The following FOXJ3 variants were observed in gnomAD, a reference collection of about 807,000 sequenced individuals.
The protein encoded by FOXJ3 is forkhead box J3, also known as forkhead box protein J3.
FOXJ3 carries 22 observed loss-of-function variants against 76.1 expected under a neutral mutation model. That is an observed-to-expected ratio of 0.29 (90% CI 0.21 to 0.41). The LOEUF (loss-of-function observed/expected upper bound fraction) is 0.41, where lower values mean the gene tolerates loss of function less well. FOXJ3 is among the 10% of genes least tolerant of loss of function. The pLI is 1.00. For missense variants in FOXJ3, 613 were observed against 762.1 expected (o/e 0.80, Z 2.30); for synonymous variants, 269 against 261.2 (o/e 1.03, Z -0.29).
chr1:42,283,439 G>A (rs1326490543), intron 2 of FOXJ3, among the ~76,000 whole-genome samples: 2 of 152,116 alleles, frequency 1.3e-5, no homozygotes, highest in African/African-American at 4.8e-5. Context: ...ACACTGCGTG[G>A]CCTACCTCTG....
intron 4 of FOXJ3, among the ~76,000 whole-genome samples, chr1:42,257,858 C>G (rs537826810): frequency 2.6e-5 from 4 of 152,166 alleles, no homozygotes; most frequent in Admixed American, 2.6e-4. Context: ...AAATAAAGTG[C>G]ATTTTAACTA....
intron 3 of FOXJ3, among the ~76,000 whole-genome samples, chr1:42,270,779 G>A (rs1414025200): frequency 6.6e-6 from 1 of 152,058 alleles, no homozygotes; most frequent in African/African-American, 2.4e-5. Flanking sequence ...AGATTCCTAG[G>A]CTCTATCCAA....
Position 42,302,279 on chromosome 1 carries a change from C to A in FOXJ3, c.44+8771G>T, listed in dbSNP as rs542437710. 3.3e-5 allele frequency among the ~76,000 whole-genome samples: 5 copies of A among 152,330 alleles called. No homozygotes were observed. The East Asian group carries it at 9.6e-4, about 29-fold the overall frequency. ...TAAACTTCCAGGTCAGTTGGTGGCACTCACAGGTTAAGAGCCAGCTGAAGC... is the reference window on the plus strand; with the variant it reads ...TAAACTTCCAGGTCAGTTGGTGGCAATCACAGGTTAAGAGCCAGCTGAAGC... On this transcript the variant is annotated intron_variant, in intron 2 of 12. Coordinates refer to ENST00000361346, the MANE Select transcript of FOXJ3 (RefSeq NM_014947.5).
At chr1:42,269,071 C>T (rs1009709013) in intron 3 of FOXJ3, among the ~76,000 whole-genome samples, 11 of 152,062 alleles carry the variant, frequency 7.2e-5, no homozygotes, top group African/African-American at 2.7e-4. Context: ...GCCCCCCACT[C>T]TAGGTTTTTG....
intron 2 of FOXJ3, 27 bp from the exon 3 acceptor site, chr1:42,278,699 A>T: frequency 4.7e-6 from 7 of 1,498,298 alleles, no homozygotes; most frequent in Non-Finnish European, 6.4e-6. Context: ...TCCTTAGTCA[A>T]TATCAAGGAA....
chr1:42,236,844 C>T (rs749653028), intron 4 of FOXJ3, among the ~76,000 whole-genome samples: 3 of 152,130 alleles, frequency 2.0e-5, no homozygotes, highest in Non-Finnish European at 2.9e-5. Flanking sequence ...TCAATTATAC[C>T]CTCTCTACTG....
chr1:42,226,204 T>C (rs981149343), intron 5 of FOXJ3, among the ~76,000 whole-genome samples: 23 of 150,436 alleles, frequency 1.5e-4, no homozygotes, highest in African/African-American at 5.2e-4. Context: ...AGGCTAGGTA[T>C]AAGCTGAGAG....
intron 2 of FOXJ3, among the ~76,000 whole-genome samples, chr1:42,309,245 C>T (rs993613294): frequency 2.0e-5 from 3 of 152,138 alleles, no homozygotes; most frequent in African/African-American, 7.2e-5. Flanking sequence ...AATTGTAACA[C>T]TTCATCATCT....
chr1:42,238,486 C>T (rs955658791), intron 4 of FOXJ3, among the ~76,000 whole-genome samples: 2 of 152,182 alleles, frequency 1.3e-5, no homozygotes, highest in Admixed American at 1.3e-4. Context: ...CATTATTTTG[C>T]CTATTTTAGG....
In FOXJ3 at chr1:42,179,847, T is replaced by C. The variant is rs968069874; in HGVS notation, c.1754-22A>G. 3.4e-6 allele frequency: 5 copies of C among 1,475,924 alleles called. No homozygotes were observed. In the Admixed American group the frequency reaches 5.0e-5, roughly 15 times the overall value. The allele number at this position is 1,475,924 out of a possible 1,614,324, so 91.4% of individuals were successfully genotyped here. ...TGGCCTGGAAGGAAAGAGGCAATAA[T>C]AGCAGCGACTTGGGTAGAGAAGAAA... On this transcript the variant is annotated intron_variant, in intron 12 of 12. Transcript: ENST00000361346.
intron 2 of FOXJ3, among the ~76,000 whole-genome samples, chr1:42,291,541 T>C (rs1213993904): frequency 6.6e-6 from 1 of 152,130 alleles, no homozygotes; most frequent in East Asian, 1.9e-4. Context: ...AGGGCTCACA[T>C]CTGTAATCCC....
chr1:42,231,784 C>A (rs1227830517), intron 4 of FOXJ3, among the ~76,000 whole-genome samples: 2 of 152,124 alleles, frequency 1.3e-5, no homozygotes, highest in Admixed American at 6.5e-5. Flanking sequence ...CACAGGTCCA[C>A]ACCCCACCCC....
intron 4 of FOXJ3, among the ~76,000 whole-genome samples, chr1:42,261,886 T>C (rs148940970): frequency 2.6e-5 from 4 of 152,340 alleles, no homozygotes; most frequent in East Asian, 1.9e-4. Context: ...CAACAATTCA[T>C]AAGTACCAAA....
intron 5 of FOXJ3, among the ~76,000 whole-genome samples, chr1:42,215,608 A>T (rs1647048970): frequency 6.6e-6 from 1 of 152,230 alleles, no homozygotes; most frequent in Non-Finnish European, 1.5e-5. Flanking sequence ...AAATTCAATT[A>T]GCTCAGTAAA....
intron 4 of FOXJ3, 158 bp downstream of exon 4, chr1:42,264,957 T>A (rs1651354606): frequency 1.5e-6 from 1 of 666,992 alleles, no homozygotes; most frequent in Non-Finnish European, 2.7e-6. Flanking sequence ...CTAGTTAGGT[T>A]CCCACAGCTT....
At chr1:42,273,194 G>C (rs981819532) in intron 3 of FOXJ3, among the ~76,000 whole-genome samples, 4 of 152,108 alleles carry the variant, frequency 2.6e-5, no homozygotes, top group Non-Finnish European at 4.4e-5. Flanking sequence ...ACAGCACTCT[G>C]GATTCCTCTA....
At chr1:42,184,353 G>A (rs559885245) in intron 11 of FOXJ3, among the ~76,000 whole-genome samples, 3 of 152,184 alleles carry the variant, frequency 2.0e-5, no homozygotes, top group South Asian at 2.1e-4. Flanking sequence ...AGGCAGAGGG[G>A]AGAAAGAATT....
intron 10 of FOXJ3, 176 bp downstream of exon 10, chr1:42,189,127 G>C: frequency 1.6e-6 from 1 of 616,624 alleles, no homozygotes; most frequent in Non-Finnish European, 2.7e-6. Flanking sequence ...ATTTCTTTCA[G>C]AACTTGTCTG....
chr1:42,289,186 G>A (rs1339125222), intron 2 of FOXJ3, among the ~76,000 whole-genome samples: 1 of 151,284 alleles, frequency 6.6e-6, no homozygotes, highest in Admixed American at 6.6e-5. Context: ...TCTTAATATA[G>A]TATATACAAT....
Sources: allele counts gnomAD v4.1 joint callset (sites outside exome capture counted in the v4.1 genomes callset), GRCh38; gene constraint gnomAD v4.1.1; transcripts MANE v1.5; gene names NCBI Gene and HGNC (gene_info 2026-07-23, HGNC 2026-07-21).